Variants in FRMPD4 observed in about 807,000 individuals in gnomAD.
The protein encoded by FRMPD4 is FERM and PDZ domain containing 4.
FRMPD4 carries 22 observed loss-of-function variants against 94.1 expected under a neutral mutation model. That is an observed-to-expected ratio of 0.23 (90% CI 0.17 to 0.33). The LOEUF (loss-of-function observed/expected upper bound fraction) is 0.33, where lower values mean the gene tolerates loss of function less well. Ranked by LOEUF, FRMPD4 falls within the 10% of genes least tolerant of loss-of-function variation. The pLI, the probability that FRMPD4 is intolerant of heterozygous loss-of-function variation, is 1.00. For missense variants in FRMPD4, 1,111 were observed against 1,339.9 expected (o/e 0.83, Z 2.67); for synonymous variants, 631 against 548.6 (o/e 1.15, Z -2.10).
Position 12,047,790 on chromosome X carries a change from C to T in FRMPD4, c.95+169772C>T, listed in dbSNP as rs139333403. On this transcript the variant is annotated intron_variant, in intron 3 of 18. Transcript: ENST00000640291. The stretch of plus-strand genomic sequence containing the variant: ...TGTGTTAGTTCACTTAGGATAATGG[C>T]CTCCAGCTGTCCATGCTGCTGCAAA... Among the ~76,000 whole-genome samples the T allele has an allele frequency of 2.4e-3, 266 of 112,359 alleles. 1 individual carries two copies. Among genetic ancestry groups the T allele is most frequent in the African/African-American group, 7.5e-3 (231 of 30,974 alleles).
intron 1 of FRMPD4, among the ~76,000 whole-genome samples, chrX:12,146,402 C>G (rs1306760838): frequency 9.1e-6 from 1 of 110,321 alleles, no homozygotes; most frequent in East Asian, 2.8e-4. Flanking sequence ...CCATATTTCT[C>G]TGAACTTGTT....
chrX:12,332,691 T>C (rs756111464), intron 1 of FRMPD4, among the ~76,000 whole-genome samples: 2 of 111,834 alleles, frequency 1.8e-5, no homozygotes, highest in Admixed American at 9.5e-5. Context: ...CATGGGTTAA[T>C]TGAGAAACCT....
intron 3 of FRMPD4, among the ~76,000 whole-genome samples, chrX:12,034,522 A>T (rs757453358): frequency 4.6e-4 from 51 of 111,630 alleles, no homozygotes; most frequent in Non-Finnish European, 7.0e-4. Flanking sequence ...ACCTGAAAAG[A>T]TTTTCATCTG....
rs111429038 is a variant in FRMPD4, at chrX:12,577,601, G to C, written c.159-32120G>C. On this transcript the variant is annotated intron_variant, in intron 2 of 16. Transcript: ENST00000675598. Reference sequence around the variant, plus strand: ...GTCATTTAAACCCAGTGCAACCTAAGAGAGTAGCTTGGATGGGACCAAGGG... The same window carrying C: ...GTCATTTAAACCCAGTGCAACCTAACAGAGTAGCTTGGATGGGACCAAGGG... Among the ~76,000 whole-genome samples, 557 of 111,407 alleles carry C rather than the reference G, an allele frequency of 5.0e-3. 3 individuals carry two copies. Among genetic ancestry groups the C allele is most frequent in the African/African-American group, 0.018 (543 of 30,636 alleles).
At chrX:12,241,401 T>A (rs2057127836) in intron 1 of FRMPD4, among the ~76,000 whole-genome samples, 1 of 112,291 alleles carries the variant, frequency 8.9e-6, no homozygotes, top group Non-Finnish European at 1.9e-5. Flanking sequence ...TCCAGCTTTT[T>A]AACTTACGTA....
chrX:12,523,989 C>G (rs1277417109), intron 2 of FRMPD4, among the ~76,000 whole-genome samples: 1 of 111,073 alleles, frequency 9.0e-6, no homozygotes, highest in Non-Finnish European at 1.9e-5. Context: ...ACCATCATCT[C>G]TAAAAAAGTT....
intron 1 of FRMPD4, among the ~76,000 whole-genome samples, chrX:12,264,424 G>A (rs184683661): frequency 1.8e-5 from 2 of 111,600 alleles, no homozygotes; most frequent in Non-Finnish European, 3.8e-5. Context: ...TTGTCTTAGG[G>A]GCTCAAGACC....
chrX:12,275,327 G>A (rs1473995506), intron 1 of FRMPD4, among the ~76,000 whole-genome samples: 1 of 110,861 alleles, frequency 9.0e-6, no homozygotes, highest in Non-Finnish European at 1.9e-5. Context: ...GCTCCCTGAA[G>A]GCCTCCCCAG....
chrX:12,376,846 C>T (rs1322314354), intron 1 of FRMPD4, among the ~76,000 whole-genome samples: 1 of 112,490 alleles, frequency 8.9e-6, no homozygotes, highest in Admixed American at 9.4e-5. Flanking sequence ...TTAAAGTGAC[C>T]AAATAGAGTT....
chrX:12,176,111 G>T (rs780909941), intron 1 of FRMPD4, among the ~76,000 whole-genome samples: 1 of 112,024 alleles, frequency 8.9e-6, no homozygotes, highest in East Asian at 2.8e-4. Context: ...GGGAAGACAT[G>T]TGGACTATCA....
intron 1 of FRMPD4, among the ~76,000 whole-genome samples, chrX:12,179,403 T>C (rs762388270): frequency 9.0e-6 from 1 of 111,455 alleles, no homozygotes; most frequent in Non-Finnish European, 1.9e-5. Context: ...ATGGGAAGAA[T>C]CCACAGCCAT....
chrX:12,501,017 C>T (rs748745457), intron 2 of FRMPD4, among the ~76,000 whole-genome samples: 2 of 112,199 alleles, frequency 1.8e-5, no homozygotes, highest in East Asian at 5.6e-4. Context: ...TTTGGGTTCC[C>T]ATACATTCCA....
At chrX:12,143,349 AAAG>A (rs1175059967) in intron 1 of FRMPD4, among the ~76,000 whole-genome samples, 1 of 112,815 alleles carries the variant, frequency 8.9e-6, no homozygotes, top group Non-Finnish European at 1.9e-5. Context: ...AATATCAAAA[AAAG>A]AATAATATGA....
At chrX:12,199,237 A>ATGTGTGTGTGTG (rs5901464) in intron 1 of FRMPD4, among the ~76,000 whole-genome samples, 108 of 91,276 alleles carry the variant, frequency 1.2e-3, no homozygotes, top group African/African-American at 4.4e-3. Flanking sequence ...AGAAAGGAAA[A>ATGTGTGTGTGTG]TGTGTGTGTG....
intron 1 of FRMPD4, among the ~76,000 whole-genome samples, chrX:12,182,001 T>C (rs1196851644): frequency 1.8e-5 from 2 of 111,925 alleles, no homozygotes; most frequent in Non-Finnish European, 3.8e-5. Context: ...GATAGACTTT[T>C]CTCACCTCTG....
At chrX:12,193,842 GAAAAGA>G (rs2056533779) in intron 1 of FRMPD4, among the ~76,000 whole-genome samples, 1 of 74,217 alleles carries the variant, frequency 1.3e-5, no homozygotes, top group African/African-American at 5.5e-5. Flanking sequence ...AAGGAAGAAA[GAAAAGA>G]AAGAAAAAGG....
intron 9 of FRMPD4, among the ~76,000 whole-genome samples, chrX:12,696,586 C>CAAAAAAAAAAAAAAAAAA (rs57877846): frequency 6.7e-5 from 2 of 30,055 alleles, no homozygotes; most frequent in African/African-American, 2.1e-4. Context: ...AAAAATGAAG[C>CAAAAAAAAAAAAAAAAAA]AAAAAAAAAA....
chrX:12,239,013 G>A (rs1053648898), intron 1 of FRMPD4, among the ~76,000 whole-genome samples: 7 of 112,331 alleles, frequency 6.2e-5, no homozygotes, highest in Admixed American at 3.8e-4. Context: ...AGATGGAAAT[G>A]ACTTATTTGT....
intron 3 of FRMPD4, among the ~76,000 whole-genome samples, chrX:12,057,841 A>G (rs2054863323): frequency 8.9e-6 from 1 of 112,104 alleles, no homozygotes; most frequent in Non-Finnish European, 1.9e-5. Flanking sequence ...TATTATATAG[A>G]ACACAATTCT....
Sources: gnomAD v4.1 joint callset for allele counts (sites outside exome capture counted in the v4.1 genomes callset) on GRCh38, gnomAD v4.1.1 for gene constraint, MANE v1.5 for transcripts, NCBI Gene and HGNC (gene_info 2026-07-23, HGNC 2026-07-21) for gene names.